The following ATF7IP variants were observed in gnomAD, a reference collection of about 807,000 sequenced individuals.
The protein encoded by ATF7IP is activating transcription factor 7 interacting protein.
A neutral mutation model predicts 106.4 loss-of-function variants in ATF7IP; 23 were observed. The ratio of observed to expected loss-of-function variants is 0.22; its 90% CI spans 0.16 to 0.31. The LOEUF (loss-of-function observed/expected upper bound fraction) is 0.31, where lower values mean the gene tolerates loss of function less well. Among genes scored for constraint, ATF7IP ranks in the 10% least tolerant of loss-of-function variants. ATF7IP has a pLI of 1.00. For missense variants in ATF7IP, 1,334 were observed against 1,524.3 expected (o/e 0.88, Z 2.08); for synonymous variants, 542 against 539.0 (o/e 1.01, Z -0.08).
chr12:14,453,275 A>G (rs1943278450), intron 6 of ATF7IP, among the ~76,000 whole-genome samples: 1 of 152,178 alleles, frequency 6.6e-6, no homozygotes, highest in East Asian at 1.9e-4. Flanking sequence ...TTCAGCAATT[A>G]TTTATCTTTC....
intron 6 of ATF7IP, among the ~76,000 whole-genome samples, chr12:14,454,358 C>G (rs907866275): frequency 6.6e-6 from 1 of 152,156 alleles, no homozygotes; most frequent in Non-Finnish European, 1.5e-5. Flanking sequence ...CTCTGGTGCT[C>G]TATCAAGTTG....
chr12:14,424,706 T>C lies in ATF7IP; in HGVS notation c.791T>C (p.Leu264Pro), dbSNP rs376822963. ...LASGDLSSSE[L>P]ASDDLATGEL... is the part of the protein sequence containing the mutation. Reference sequence around the variant, plus strand: ...TCTGGTGATCTATCCTCTAGTGAACTGGCCTCTGATGATCTGGCCACTGGT... The same window carrying C: ...TCTGGTGATCTATCCTCTAGTGAACCGGCCTCTGATGATCTGGCCACTGGT... Residue 264 changes from leucine (L) to proline (P), a missense_variant, in exon 2 of 15, where the codon CTG (leucine) becomes CCG (proline). Leu to Pro is a moderately conservative substitution (Grantham distance 98). Transcript: ENST00000261168. 50 of 1,614,024 alleles carry C rather than the reference T, an allele frequency of 3.1e-5. No homozygotes were observed. Among genetic ancestry groups the C allele is most frequent in the Non-Finnish European group, 3.7e-5 (44 of 1,180,024 alleles).
chr12:14,422,355 AC>A (rs1193114074), intron 1 of ATF7IP, among the ~76,000 whole-genome samples: 2 of 132,326 alleles, frequency 1.5e-5, no homozygotes, highest in African/African-American at 5.6e-5. Context: ...ACACACACAC[AC>A]AACCTTTGTA....
chr12:14,486,481 G>A (rs1217843856), intron 13 of ATF7IP, among the ~76,000 whole-genome samples: 1 of 152,068 alleles, frequency 6.6e-6, no homozygotes, highest in Non-Finnish European at 1.5e-5. Flanking sequence ...AGGGGTTCTT[G>A]GTCTGTAAAC....
chr12:14,455,742 G>A (rs1021140528), intron 6 of ATF7IP, among the ~76,000 whole-genome samples: 4 of 151,882 alleles, frequency 2.6e-5, no homozygotes, highest in African/African-American at 7.3e-5. Context: ...GTATTACCAC[G>A]CCTGGCTAAT....
intron 2 of ATF7IP, among the ~76,000 whole-genome samples, chr12:14,431,682 CCACA>C (rs1942148930): frequency 6.6e-6 from 1 of 152,096 alleles, no homozygotes; most frequent in Non-Finnish European, 1.5e-5. Context: ...GTGTGAGCCA[CCACA>C]CCCGGCAGTA....
At position 14,441,476 on chromosome 12, in the gene ATF7IP, G is replaced by A. The variant is rs1405309292; in HGVS notation, c.1929+3209G>A. On this transcript the variant is annotated intron_variant, in intron 5 of 14. Transcript: ENST00000261168. The stretch of plus-strand genomic sequence containing the variant: ...TTGTAAGAATTATTTATATATTCTG[G>A]ATACCAAAGTCTTTTTTTTTTTTTT... Among the ~76,000 whole-genome samples the A allele has an allele frequency of 2.0e-5, 3 of 147,836 alleles. No individual in the cohort carries two copies. In the East Asian group the frequency reaches 6.0e-4, roughly 29 times the overall value.
intron 1 of ATF7IP, among the ~76,000 whole-genome samples, chr12:14,406,020 TAAAG>T (rs1437305912): frequency 6.6e-6 from 1 of 152,198 alleles, no homozygotes; most frequent in Non-Finnish European, 1.5e-5. Context: ...ACTAATTTAA[TAAAG>T]AAAATGTGAA....
At chr12:14,390,062 A>G (rs561906633) in intron 1 of ATF7IP, among the ~76,000 whole-genome samples, 1 of 152,370 alleles carries the variant, frequency 6.6e-6, no homozygotes, top group East Asian at 1.9e-4. Context: ...TCCTTCAGAT[A>G]GGGCCTTCTC....
In ATF7IP at chr12:14,479,110, C is replaced by T. The variant is rs140873977; in HGVS notation, c.3097+638C>T. 1.2e-4 allele frequency among the ~76,000 whole-genome samples: 18 copies of T among 152,172 alleles called. 1 individual carries two copies. In the East Asian group the frequency reaches 1.9e-3, roughly 16 times the overall value. On this transcript the variant is annotated intron_variant, in intron 12 of 14. Coordinates refer to ENST00000261168, the MANE Select transcript of ATF7IP (RefSeq NM_018179.5). ...CAGCCTGGGCAACACAGTGAAACCC[C>T]GTCTCTACAAAAAATTTAAAAATTA...
At chr12:14,485,792 G>A (rs1190219007) in intron 13 of ATF7IP, among the ~76,000 whole-genome samples, 1 of 152,198 alleles carries the variant, frequency 6.6e-6, no homozygotes, top group Non-Finnish European at 1.5e-5. Flanking sequence ...AACCACATCT[G>A]GTACAGCAGC....
chr12:14,446,912 A>G lies in ATF7IP; in HGVS notation c.1930-76A>G, dbSNP rs189250102. On this transcript the variant is annotated intron_variant, in intron 5 of 14. Transcript: ENST00000261168. ...CTGTTTTCTATAGGTTTCTTTTTAT[A>G]TATTCATGGTTTTTTTTTTTAATGC... The G allele has an allele frequency of 3.4e-5, 35 of 1,019,602 alleles. No individual in the cohort carries two copies. In the East Asian group the frequency reaches 9.2e-4, roughly 27 times the overall value. 63.2% of individuals were successfully genotyped at this position (1,019,602 alleles called of 1,614,324 possible).
At chr12:14,463,378 G>A (rs1264505965) in intron 9 of ATF7IP, among the ~76,000 whole-genome samples, 2 of 152,158 alleles carry the variant, frequency 1.3e-5, no homozygotes, top group East Asian at 3.9e-4. Flanking sequence ...TCAAACTATA[G>A]CTAATTTCAT....
chr12:14,396,036 A>G (rs1015672915), intron 1 of ATF7IP, among the ~76,000 whole-genome samples: 17 of 152,236 alleles, frequency 1.1e-4, no homozygotes, highest in Non-Finnish European at 2.2e-4. Flanking sequence ...GTGTATGTTT[A>G]TAAAGAAATG....
At chr12:14,442,457 A>G (rs935297557) in intron 5 of ATF7IP, among the ~76,000 whole-genome samples, 10 of 152,212 alleles carry the variant, frequency 6.6e-5, no homozygotes. Flanking sequence ...CACTTAGCCA[A>G]TCGAGTCCTG....
At chr12:14,365,934 C>T (rs1318825813) in intron 1 of ATF7IP, 107 bp downstream of exon 1, 1 of 152,350 alleles carries the variant, frequency 6.6e-6, no homozygotes, top group South Asian at 2.0e-4. Flanking sequence ...TGTGTCTGCG[C>T]CTGCGCGGTT....
At chr12:14,469,834 TG>T (rs1418166792) in intron 10 of ATF7IP, among the ~76,000 whole-genome samples, 1 of 152,250 alleles carries the variant, frequency 6.6e-6, no homozygotes, top group Non-Finnish European at 1.5e-5. Flanking sequence ...CCAAGTCGTC[TG>T]TCTGGGATCG....
chr12:14,404,295 T>C (rs899445803), intron 1 of ATF7IP, among the ~76,000 whole-genome samples: 2 of 152,182 alleles, frequency 1.3e-5, no homozygotes, highest in Non-Finnish European at 2.9e-5. Context: ...AAAATCTACA[T>C]ACAGGAACAC....
intron 5 of ATF7IP, among the ~76,000 whole-genome samples, chr12:14,440,707 A>G (rs1295390843): frequency 6.6e-6 from 1 of 152,174 alleles, no homozygotes; most frequent in African/African-American, 2.4e-5. Flanking sequence ...CACAATCTCT[A>G]TCTAGTTTCA....
Sources: allele counts gnomAD v4.1 joint callset (sites outside exome capture counted in the v4.1 genomes callset), GRCh38; gene constraint gnomAD v4.1.1; transcripts MANE v1.5; gene names NCBI Gene and HGNC (gene_info 2026-07-23, HGNC 2026-07-21).